RNF130: variants seen among roughly 807,000 people sequenced by gnomAD.
RNF130 encodes ring finger protein 130.
RNF130 carries 21 observed loss-of-function variants against 44.6 expected under a neutral mutation model. That is an observed-to-expected ratio of 0.47 (90% confidence interval 0.33 to 0.68). The LOEUF (loss-of-function observed/expected upper bound fraction) is 0.68, where lower values mean the gene tolerates loss of function less well. Among genes scored for constraint, RNF130 ranks in the 30% least tolerant of loss-of-function variants. RNF130 has a pLI of 0.02. For missense variants in RNF130, 479 were observed against 560.6 expected, an observed-to-expected ratio of 0.85 and a Z score of 1.47; for synonymous variants, 214 against 210.4, an observed-to-expected ratio of 1.02 and a Z score of -0.15.
intron 2 of RNF130, among the ~76,000 whole-genome samples, chr5:180,026,154 A>T (rs1312078895): frequency 6.6e-6 from 1 of 152,030 alleles, no homozygotes; most frequent in Non-Finnish European, 1.5e-5. Flanking sequence ...GAAGCATCTG[A>T]TATTGCTGAT....
chr5:179,950,801 A>G (rs1218313182), downstream of RNF130, among the ~76,000 whole-genome samples: 1 of 152,240 alleles, frequency 6.6e-6, no homozygotes, highest in Non-Finnish European at 1.5e-5. Context: ...TGTCATTAAA[A>G]GTCCTACACC....
chr5:179,965,082 G>A (rs1231334483), intron 7 of RNF130, among the ~76,000 whole-genome samples: 2 of 152,084 alleles, frequency 1.3e-5, no homozygotes, highest in East Asian at 1.9e-4. Flanking sequence ...GTAGAACTTC[G>A]TCACATCTAT....
intron 5 of RNF130, among the ~76,000 whole-genome samples, chr5:179,973,232 C>G (rs74662248): frequency 6.6e-6 from 1 of 152,142 alleles, no homozygotes; most frequent in South Asian, 2.1e-4. Flanking sequence ...GCACATCCCT[C>G]GCTTCCACAA....
intron 7 of RNF130, among the ~76,000 whole-genome samples, chr5:179,934,726 T>C (rs955827166): frequency 1.1e-4 from 16 of 151,916 alleles, no homozygotes; most frequent in African/African-American, 3.9e-4. Flanking sequence ...TTTATTCTTG[T>C]AGAGATTTTT....
At chr5:180,045,465 G>GAGC (rs1033464573) in intron 1 of RNF130, among the ~76,000 whole-genome samples, 36 of 152,212 alleles carry the variant, frequency 2.4e-4, no homozygotes, top group Non-Finnish European at 1.5e-4. Flanking sequence ...CCCAAACAGT[G>GAGC]AGCAGCAGCA....
intron 2 of RNF130, chr5:180,015,240 C>T (rs1763690017): frequency 2.2e-6 from 1 of 452,248 alleles, no homozygotes; most frequent in African/African-American, 2.0e-5. Context: ...TAATGCTAAA[C>T]CGCTTTAAAT....
chr5:179,948,216 A>C (rs1045823712), intron 7 of RNF130, among the ~76,000 whole-genome samples: 9 of 152,236 alleles, frequency 5.9e-5, no homozygotes, highest in Non-Finnish European at 1.2e-4. Flanking sequence ...GATATTGCGA[A>C]GATTAAAATG....
At chr5:179,914,660 G>C (rs1479423361) in exon 8 of RNF130, 2 of 152,310 alleles carry the variant, frequency 1.3e-5, no homozygotes, top group Non-Finnish European at 2.9e-5. Context: ...GAGGAGGAAG[G>C]AGGAGATTTG....
chr5:179,935,534 A>T (rs369328042), intron 7 of RNF130, among the ~76,000 whole-genome samples: 3 of 141,244 alleles, frequency 2.1e-5, no homozygotes, highest in Non-Finnish European at 4.6e-5. Context: ...GTGTGTGTGT[A>T]TACATTTTAA....
chr5:180,042,893 G>C (rs1764459123), intron 1 of RNF130, among the ~76,000 whole-genome samples: 2 of 152,296 alleles, frequency 1.3e-5, no homozygotes, highest in South Asian at 4.1e-4. Flanking sequence ...GTGCTCCAAG[G>C]TCTAGATCAA....
chr5:179,982,589 T>TTTTGG (rs1762863431), intron 3 of RNF130, among the ~76,000 whole-genome samples: 1 of 148,784 alleles, frequency 6.7e-6, no homozygotes, highest in African/African-American at 2.5e-5. Context: ...TTTTGTTTTG[T>TTTTGG]TTTTAAGACA....
intron 3 of RNF130, among the ~76,000 whole-genome samples, chr5:180,009,688 C>T (rs1271876356): frequency 6.6e-6 from 1 of 152,178 alleles, no homozygotes; most frequent in Non-Finnish European, 1.5e-5. Flanking sequence ...ACTAAATATG[C>T]ACTTATCTTA....
rs189333794 is a variant in RNF130, at chr5:179,958,087, C to T, written c.1245-2418G>A. ...AGAGACGGGGTTTCACTGTTTTAGC[C>T]GGGATGGTCTCGATCTCCTGACCTC... On this transcript the variant is annotated intron_variant, in intron 8 of 8. Coordinates refer to ENST00000521389, the MANE Select transcript of RNF130 (RefSeq NM_018434.6). Among the ~76,000 whole-genome samples, 16 of 152,132 alleles carry T rather than the reference C, an allele frequency of 1.1e-4. 1 individual carries two copies. The highest frequency in any genetic ancestry group is 9.2e-4 in the Admixed American group (14 of 15,288).
intron 8 of RNF130, among the ~76,000 whole-genome samples, chr5:179,961,357 C>A (rs1582143044): frequency 6.6e-6 from 1 of 152,148 alleles, no homozygotes; most frequent in South Asian, 2.1e-4. Context: ...TGAAATCAAC[C>A]CTCTACAACT....
intron 1 of RNF130, among the ~76,000 whole-genome samples, chr5:180,059,871 G>C (rs963199998): frequency 5.3e-5 from 8 of 152,164 alleles, no homozygotes; most frequent in African/African-American, 1.9e-4. Flanking sequence ...CCAATCCCCA[G>C]GACCTGTCAG....
chr5:180,013,886 G>A (rs1353579045), intron 2 of RNF130, among the ~76,000 whole-genome samples: 1 of 152,164 alleles, frequency 6.6e-6, no homozygotes, highest in Non-Finnish European at 1.5e-5. Flanking sequence ...TGAGACAGGG[G>A]ACACACAGCT....
chr5:179,959,847 G>A (rs563646720), intron 8 of RNF130, among the ~76,000 whole-genome samples: 3 of 152,190 alleles, frequency 2.0e-5, no homozygotes, highest in Non-Finnish European at 2.9e-5. Flanking sequence ...TAGTTATTTC[G>A]TCACCTTTAC....
chr5:179,957,556 ATCC>A (rs1403281670), intron 8 of RNF130, among the ~76,000 whole-genome samples: 2 of 152,200 alleles, frequency 1.3e-5, no homozygotes, highest in African/African-American at 4.8e-5. Flanking sequence ...ATTTGGCACT[ATCC>A]TCCTCTCTGA....
chr5:180,026,670 A>G (rs1389597486), intron 2 of RNF130, among the ~76,000 whole-genome samples: 2 of 152,262 alleles, frequency 1.3e-5, no homozygotes, highest in Non-Finnish European at 2.9e-5. Context: ...GTATTGGTAC[A>G]TACAGTATAT....
Sources: allele counts gnomAD v4.1 joint callset (sites outside exome capture counted in the v4.1 genomes callset), GRCh38; gene constraint gnomAD v4.1.1; transcripts MANE v1.5; gene names NCBI Gene and HGNC (gene_info 2026-07-23, HGNC 2026-07-21).